Variants in IL11RA observed in about 807,000 individuals in gnomAD.
The protein encoded by IL11RA is interleukin-11 receptor subunit alpha.
IL11RA carries 51 observed loss-of-function variants against 57.0 expected under a neutral mutation model. The ratio of observed to expected loss-of-function variants is 0.89; its 90% CI spans 0.71 to 1.13. The LOEUF is 1.13. Among genes scored for constraint, IL11RA ranks in the 50% most tolerant of loss-of-function variants. IL11RA has a pLI of 0.00. For missense variants in IL11RA, 498 were observed against 539.4 expected (o/e 0.92, Z 0.76); for synonymous variants, 199 against 217.5 (o/e 0.91, Z 0.75).
chr9:34,660,699 CCTGT>C (rs1420640217), intron 11 of IL11RA, 99 bp downstream of exon 11: 34 of 1,245,278 alleles, frequency 2.7e-5, no homozygotes, highest in Non-Finnish European at 4.0e-5. Context: ...GCCCGCTGAA[CCTGT>C]CTGATTCTGG....
rs1821458266 is a variant in IL11RA, at chr9:34,661,594, T to TC, written c.*97dup. 2 of 1,341,374 alleles carry TC rather than the reference T, an allele frequency of 1.5e-6. No homozygotes were observed. Among genetic ancestry groups the TC allele is most frequent in the Admixed American group, 1.7e-5 (1 of 59,372 alleles). The allele number at this position is 1,341,374 out of a possible 1,614,324, so 83.1% of individuals were successfully genotyped here. A position where few individuals can be genotyped will look rare whatever the true frequency, so the allele number is the denominator to read the frequency against. On this transcript the variant is annotated 3_prime_UTR_variant, in exon 13 of 13. Transcript: ENST00000441545. ...GACAGTAGATCCCTATGGTTGGATC[T>TC]CAGCTGGAAGTTCTGTTTGGAGCCC...
chr9:34,657,449 T>C lies in IL11RA; in HGVS notation c.508T>C (p.Cys170Arg), dbSNP rs1160770150. The C allele has an allele frequency of 6.2e-7, 1 of 1,614,194 alleles. No homozygotes were observed. The highest frequency in any genetic ancestry group is 1.1e-5 in the South Asian group (1 of 91,088). The change falls in exon 7 of 13, where the codon TGC (cysteine) becomes CGC (arginine). Residue 170 changes from cysteine to arginine, a missense_variant. Transcript: ENST00000441545. ...RRSPSTGPWP[C>R]PQDPLGAARC... is the part of the protein sequence containing the mutation. ...GAGTCCATCCACAGGGCCCTGGCCA[T>C]GCCCACAGGATCCCCTAGGGGCTGC...
Position 34,657,571 on chromosome 9 carries a change from G to C in IL11RA, c.630G>C (p.Val210=), listed in dbSNP as rs769091174. 1.2e-6 allele frequency: 2 copies of C among 1,614,118 alleles called. No individual in the cohort carries two copies. The highest frequency in any genetic ancestry group is 1.7e-6 in the Non-Finnish European group (2 of 1,180,002). The change falls in exon 7 of 13, where the codon GTG becomes GTC. Residue 210 remains valine, a synonymous_variant. Coordinates refer to ENST00000441545, the MANE Select transcript of IL11RA (RefSeq NM_001142784.3). ...PLGASTRLLD[V]SLQSILRPDP... Reference sequence around the variant, plus strand: ...GTGCCAGCACACGCCTGCTGGATGTGAGCTTGCAGAGCATCTGTGAGTACC... The same window carrying C: ...GTGCCAGCACACGCCTGCTGGATGTCAGCTTGCAGAGCATCTGTGAGTACC...
rs1821358869 is a variant in IL11RA at position 34,657,052 on chromosome 9, G to A, written c.349G>A (p.Val117Ile). 1 of 1,614,150 alleles carries A rather than the reference G, an allele frequency of 6.2e-7. No homozygotes were observed. The highest frequency in any genetic ancestry group is 8.5e-7 in the Non-Finnish European group (1 of 1,180,022). The change falls in exon 5 of 13, where the codon GTT becomes ATT. Residue 117 changes from valine to isoleucine, a missense_variant. Val to Ile is a conservative substitution (Grantham distance 29). Coordinates refer to ENST00000441545, the MANE Select transcript of IL11RA (RefSeq NM_001142784.3). The part of the protein sequence containing the change: ...LQLGYPPARP[V>I]VSCQAADYEN... Reference sequence around the variant, plus strand: ...GCCTCTAGACCCTCCAGCCCGCCCTGTTGTCTCCTGCCAAGCAGCCGACTA... The same window carrying A: ...GCCTCTAGACCCTCCAGCCCGCCCTATTGTCTCCTGCCAAGCAGCCGACTA...
At position 34,653,014 on chromosome 9, in the gene IL11RA, C is replaced by T. The variant is rs1821280603; in HGVS notation, c.-1+781C>T. 6.6e-6 allele frequency among the ~76,000 whole-genome samples: 1 copy of T among 152,156 alleles called. No homozygotes were observed. The highest frequency in any genetic ancestry group is 1.5e-5 in the Non-Finnish European group (1 of 68,030). On this transcript the variant is annotated intron_variant, in intron 1 of 12. Coordinates refer to ENST00000441545, the MANE Select transcript of IL11RA (RefSeq NM_001142784.3). The surrounding 1 kb of genome is among the most constrained non-coding windows in gnomAD (Gnocchi z 4.5). ...CTGTGTGGGTGCATTTCCAGTTTTG[C>T]CTTTCCTTTCTCTCTGTCTCTCTCT...
intron 11 of IL11RA, 32 bp downstream of exon 11, chr9:34,660,632 G>C: frequency 6.5e-7 from 1 of 1,548,804 alleles, no homozygotes; most frequent in South Asian, 1.1e-5. Flanking sequence ...CTCAGCCTCT[G>C]ATCCTCACAC....
chr9:34,656,244 C>T (rs1440424680), intron 3 of IL11RA, among the ~76,000 whole-genome samples: 1 of 152,054 alleles, frequency 6.6e-6, no homozygotes, highest in Admixed American at 6.6e-5. Flanking sequence ...CCATGTTGGT[C>T]AGGCTTTGAA....
Position 34,661,887 on chromosome 9 carries a change from A to G in IL11RA, c.*389A>G, listed in dbSNP as rs979687412. ...ATAAAGAGAATAAGGAAGTTCTTGGAGATTATACTCAGAAATTATTATCCA... is the reference window on the plus strand; with the variant it reads ...ATAAAGAGAATAAGGAAGTTCTTGGGGATTATACTCAGAAATTATTATCCA... On this transcript the variant is annotated 3_prime_UTR_variant, in exon 13 of 13. Coordinates refer to ENST00000441545, the MANE Select transcript of IL11RA (RefSeq NM_001142784.3). The G allele has an allele frequency of 3.8e-6, 6 of 1,592,598 alleles. No individual in the cohort carries two copies. In the African/African-American group the frequency reaches 8.1e-5, roughly 21 times the overall value.
rs1281794699 is a variant in IL11RA, at chr9:34,657,091, T to C, written c.388T>C (p.Cys130Arg). The C allele has an allele frequency of 6.2e-7, 1 of 1,614,192 alleles. No individual in the cohort carries two copies. The highest frequency in any genetic ancestry group is 8.5e-7 in the Non-Finnish European group (1 of 1,180,040). ...CQAADYENFS[C>R]TWSPSQISGL... The stretch of plus-strand genomic sequence containing the variant: ...AGCAGCCGACTATGAGAACTTCTCT[T>C]GCACTTGGAGTCCCAGCCAGATCAG... The change falls in exon 5 of 13, where the codon TGC (cysteine) becomes CGC (arginine). Residue 130 changes from cysteine (C) to arginine (R), a missense_variant. Cys to Arg is a radical substitution (Grantham distance 180, BLOSUM62 -3). Transcript: ENST00000441545.
At chr9:34,659,715 C>G (rs1821414492) in intron 8 of IL11RA, 44 bp from the exon 9 acceptor site, 2 of 1,613,054 alleles carry the variant, frequency 1.2e-6, no homozygotes, top group Non-Finnish European at 1.7e-6. Context: ...TGGGAAGGCC[C>G]TGCACTTACA....
Position 34,658,708 on chromosome 9 carries a change from C to T in IL11RA, c.810+25C>T. The T allele has an allele frequency of 1.2e-6, 2 of 1,607,644 alleles. No homozygotes were observed. The highest frequency in any genetic ancestry group is 1.7e-6 in the Non-Finnish European group (2 of 1,179,552). On this transcript the variant is annotated intron_variant, in intron 8 of 12. Transcript: ENST00000441545. The surrounding 1 kb of genome is among the most constrained non-coding windows in gnomAD (Gnocchi z 4.0). ...GGTGAGGCCTGGAGTGCGTCCCAAC[C>T]CACGGCTGTGGGTCCTGTCTCTGAT...
At chr9:34,655,023 G>C in intron 1 of IL11RA, 195 bp from the exon 2 acceptor site, 1 of 600,984 alleles carries the variant, frequency 1.7e-6, no homozygotes, top group East Asian at 2.9e-5. Context: ...GTGTGCGCGC[G>C]CACGCACATG....
At position 34,658,369 on chromosome 9, in the gene IL11RA, G is replaced by A. The variant is rs1421356917; in HGVS notation, c.647-151G>A. The A allele has an allele frequency of 1.0e-4, 82 of 805,070 alleles. No homozygotes were observed. The highest frequency in any genetic ancestry group is 4.0e-5 in the Admixed American group (2 of 50,460). 49.9% of individuals were successfully genotyped at this position (805,070 alleles called of 1,614,324 possible). On this transcript the variant is annotated intron_variant, in intron 7 of 12. Transcript: ENST00000441545. This position sits in a 1 kb window ranked among gnomAD's most constrained non-coding sequence, Gnocchi z 4.0. The stretch of plus-strand genomic sequence containing the variant: ...AGCCCATTTCATAATACAGATGACC[G>A]GTCTGAGTCTAATGGATGATCAAGT...
At position 34,658,920 on chromosome 9, in the gene IL11RA, T is replaced by A. The variant is rs186602787; in HGVS notation, c.810+237T>A. On this transcript the variant is annotated intron_variant, in intron 8 of 12. Coordinates refer to ENST00000441545, the MANE Select transcript of IL11RA (RefSeq NM_001142784.3). This position sits in a 1 kb window ranked among gnomAD's most constrained non-coding sequence, Gnocchi z 4.0. ...TCTGTGGGAAGATAGCAATGGCTTTTAAAAAAATAACTTTTTTTTTTTGAG... is the reference window on the plus strand; with the variant it reads ...TCTGTGGGAAGATAGCAATGGCTTTAAAAAAAATAACTTTTTTTTTTTGAG... Among the ~76,000 whole-genome samples the A allele has an allele frequency of 6.4e-4, 98 of 152,210 alleles. No individual in the cohort carries two copies. The highest frequency in any genetic ancestry group is 1.2e-3 in the Non-Finnish European group (80 of 67,994).
chr9:34,655,606 GGTC>G lies in IL11RA; in HGVS notation c.103_105del (p.Val35del). The G allele has an allele frequency of 6.2e-7, 1 of 1,614,004 alleles. No individual in the cohort carries two copies. On this transcript the variant is annotated inframe_deletion and splice_region_variant, in exon 3 of 13. Transcript: ENST00000441545. ...TTACCTCAGAAGTGCCCTCCACAGG[GGTC>G]CAGTATGGGCAGCCAGGCAGGTCCG...
In IL11RA at chr9:34,661,602, A is replaced by G; in HGVS notation, c.*104A>G. On this transcript the variant is annotated 3_prime_UTR_variant, in exon 13 of 13. Transcript: ENST00000441545. ...ATCCCTATGGTTGGATCTCAGCTGG[A>G]AGTTCTGTTTGGAGCCCATTTCTGT... 1 of 1,290,460 alleles carries G rather than the reference A, an allele frequency of 7.7e-7. No individual in the cohort carries two copies. The highest frequency in any genetic ancestry group is 1.2e-5 in the South Asian group (1 of 84,398). 79.9% of individuals were successfully genotyped at this position (1,290,460 alleles called of 1,614,324 possible). A position where few individuals can be genotyped will look rare whatever the true frequency, so the allele number is the denominator to read the frequency against.
rs762092215 is a variant in IL11RA at position 34,657,588 on chromosome 9, G to A, written c.646+1G>A. On this transcript the variant is annotated splice_donor_variant, in intron 7 of 12. Transcript: ENST00000441545. LOFTEE classifies it high-confidence loss of function. ...CTGGATGTGAGCTTGCAGAGCATCT[G>A]TGAGTACCCACCCCAGACCTCCCCC... 6.2e-7 allele frequency: 1 copy of A among 1,613,970 alleles called. No homozygotes were observed. The highest frequency in any genetic ancestry group is 2.2e-5 in the East Asian group (1 of 44,876).
rs527814879 is a variant in IL11RA at position 34,658,422 on chromosome 9, T to A, written c.647-98T>A. On this transcript the variant is annotated intron_variant, in intron 7 of 12. Transcript: ENST00000441545. This position sits in a 1 kb window ranked among gnomAD's most constrained non-coding sequence, Gnocchi z 4.0. ...AAGATTTCCCCTCCCCTCTCAGGAG[T>A]GTCTGGCTAAGGCTCCTTTAAACAC... 3 of 1,199,670 alleles carry A rather than the reference T, an allele frequency of 2.5e-6. No individual in the cohort carries two copies. The highest frequency in any genetic ancestry group is 4.7e-5 in the East Asian group (2 of 42,906). 74.3% of individuals were successfully genotyped at this position (1,199,670 alleles called of 1,614,324 possible).
chr9:34,655,045 G>A (rs1032155727), intron 1 of IL11RA, 173 bp from the exon 2 acceptor site: 2 of 657,802 alleles, frequency 3.0e-6, no homozygotes, highest in Admixed American at 2.2e-5. Flanking sequence ...AAAGCACTGG[G>A]TATACAGTGG....
Sources: gnomAD v4.1 joint callset for allele counts (sites outside exome capture counted in the v4.1 genomes callset) on GRCh38, gnomAD v4.1.1 for gene constraint, Gnocchi (gnomAD v3.1) non-coding constraint, MANE v1.5 for transcripts, NCBI Gene and HGNC (gene_info 2026-07-23, HGNC 2026-07-21) for gene names.